ARL8B: variants seen among roughly 807,000 people sequenced by gnomAD.
ARL8B encodes the protein ADP-ribosylation factor-like protein 8B.
ARL8B carries 9 observed loss-of-function variants against 30.6 expected under a neutral mutation model. The ratio of observed to expected loss-of-function variants is 0.29; its 90% CI spans 0.18 to 0.51. The LOEUF (loss-of-function observed/expected upper bound fraction) is 0.51, where lower values mean the gene tolerates loss of function less well. Among genes scored for constraint, ARL8B ranks in the 20% least tolerant of loss-of-function variants. The pLI is 0.97. For missense variants in ARL8B, 130 were observed against 227.2 expected, an observed-to-expected ratio of 0.57 and a Z score of 2.75; for synonymous variants, 74 against 76.0, an observed-to-expected ratio of 0.97 and a Z score of 0.14.
chr3:5,169,626 G>C (rs1435019678), intron 1 of ARL8B, among the ~76,000 whole-genome samples: 1 of 150,712 alleles, frequency 6.6e-6, no homozygotes, highest in African/African-American at 2.4e-5. Flanking sequence ...TTGTGGGTTT[G>C]ATTTGCATTT....
chr3:5,177,017 G>T (rs1321730668), intron 6 of ARL8B, among the ~76,000 whole-genome samples: 2 of 152,084 alleles, frequency 1.3e-5, no homozygotes, highest in African/African-American at 4.8e-5. Flanking sequence ...GAGAAATCCT[G>T]TTCTACACTA....
chr3:5,172,548 C>T (rs2054685685), intron 3 of ARL8B, 99 bp from the exon 4 acceptor site: 2 of 836,146 alleles, frequency 2.4e-6, no homozygotes, highest in Non-Finnish European at 1.9e-6. Flanking sequence ...TTAATAATTT[C>T]AATAATGTAA....
intron 6 of ARL8B, among the ~76,000 whole-genome samples, chr3:5,175,324 AAAG>A (rs1426158812): frequency 6.6e-6 from 1 of 152,218 alleles, no homozygotes; most frequent in Non-Finnish European, 1.5e-5. Context: ...TGTGCTATTT[AAAG>A]AAGAAAATGC....
At chr3:5,157,268 TA>T (rs1271630634) in intron 1 of ARL8B, among the ~76,000 whole-genome samples, 1 of 152,212 alleles carries the variant, frequency 6.6e-6, no homozygotes, top group Non-Finnish European at 1.5e-5. Flanking sequence ...ATCAGATCCA[TA>T]TGTCACAGCT....
chr3:5,124,489 A>ACCCAGACTGAGTGCAGT (rs1176345175), intron 1 of ARL8B, among the ~76,000 whole-genome samples: 19 of 151,478 alleles, frequency 1.3e-4, no homozygotes, highest in Non-Finnish European at 2.7e-4. Flanking sequence ...TTTTGGAGAC[A>ACCCAGACTGAGTGCAGT]GGGTCTTGAG....
At chr3:5,136,264 C>T (rs1476037697) in intron 1 of ARL8B, among the ~76,000 whole-genome samples, 1 of 151,940 alleles carries the variant, frequency 6.6e-6, no homozygotes, top group Non-Finnish European at 1.5e-5. Flanking sequence ...TTCTTTTGGC[C>T]CTCTTGCTTT....
chr3:5,142,006 C>T (rs960031864), intron 1 of ARL8B, among the ~76,000 whole-genome samples: 1 of 152,118 alleles, frequency 6.6e-6, no homozygotes, highest in African/African-American at 2.4e-5. Flanking sequence ...CCTATTGAGT[C>T]AACATATATA....
chr3:5,172,616 A>G (rs1397972861), intron 3 of ARL8B, 31 bp from the exon 4 acceptor site: 2 of 1,398,652 alleles, frequency 1.4e-6, no homozygotes, highest in Non-Finnish European at 2.0e-6. Context: ...CATACAGAGA[A>G]GGTATGTTGA....
rs763102911 is a variant in ARL8B at position 5,122,600 on chromosome 3, C to G, written c.123+12C>G. On this transcript the variant is annotated intron_variant, in intron 1 of 6. Transcript: ENST00000256496. ...TCAATGTCATCGCGGTGAGCGCCCG[C>G]CCACTCACTCGCCCGGGGCTCCGCA... 1 of 1,593,364 alleles carries G rather than the reference C, an allele frequency of 6.3e-7. No individual in the cohort carries two copies. Among genetic ancestry groups the G allele is most frequent in the South Asian group, 1.1e-5 (1 of 89,084 alleles).
chr3:5,148,343 G>C (rs1045656438), intron 1 of ARL8B, among the ~76,000 whole-genome samples: 1 of 152,192 alleles, frequency 6.6e-6, no homozygotes, highest in African/African-American at 2.4e-5. Context: ...GATGCCTGCT[G>C]TGTGGAAGGG....
In ARL8B at chr3:5,152,176, A is replaced by G. The variant is rs79871719; in HGVS notation, c.124-18327A>G. Reference sequence around the variant, plus strand: ...GCTGGTTTTCTCCCTATCAATTAACATGAGAGGAATGTTGAAATCTCTAAT... The same window carrying G: ...GCTGGTTTTCTCCCTATCAATTAACGTGAGAGGAATGTTGAAATCTCTAAT... On this transcript the variant is annotated intron_variant, in intron 1 of 6. Transcript: ENST00000256496. 9.3e-3 allele frequency among the ~76,000 whole-genome samples: 1,412 copies of G among 152,332 alleles called. 8 individuals are homozygous for G. The highest frequency in any genetic ancestry group is 0.014 in the Non-Finnish European group (957 of 68,022).
intron 1 of ARL8B, among the ~76,000 whole-genome samples, chr3:5,140,551 C>A (rs1417186822): frequency 1.4e-5 from 2 of 143,506 alleles, no homozygotes; most frequent in African/African-American, 5.6e-5. Context: ...ACTCATACAC[C>A]TTCTTGGTTT....
intron 6 of ARL8B, among the ~76,000 whole-genome samples, chr3:5,174,880 G>T (rs2054714941): frequency 6.6e-6 from 1 of 151,314 alleles, no homozygotes; most frequent in African/African-American, 2.4e-5. Context: ...TCGACTTACT[G>T]CAACCTCTGC....
chr3:5,178,820 G>A lies in ARL8B; in HGVS notation c.*107G>A, dbSNP rs1159268172. The A allele has an allele frequency of 6.4e-7, 1 of 1,557,774 alleles. No individual in the cohort carries two copies. The highest frequency in any genetic ancestry group is 8.7e-7 in the Non-Finnish European group (1 of 1,155,992). Reference sequence around the variant, plus strand: ...CGGTCCTTCCTAAACCCCAGAAATTGCCTTTTTCAGAGTTTATTTCTCATG... The same window carrying A: ...CGGTCCTTCCTAAACCCCAGAAATTACCTTTTTCAGAGTTTATTTCTCATG... On this transcript the variant is annotated 3_prime_UTR_variant, in exon 7 of 7. Transcript: ENST00000256496.
chr3:5,171,472 C>T (rs1277948), intron 2 of ARL8B, among the ~76,000 whole-genome samples: 1 of 152,046 alleles, frequency 6.6e-6, no homozygotes, highest in Non-Finnish European at 1.5e-5. Context: ...CTGCCTCAGC[C>T]TCCCGAGTAT....
chr3:5,161,441 AC>A (rs2054579496), intron 1 of ARL8B, among the ~76,000 whole-genome samples: 1 of 152,200 alleles, frequency 6.6e-6, no homozygotes, highest in Admixed American at 6.5e-5. Context: ...AAAAAACAGC[AC>A]AGCAGTTAAG....
chr3:5,180,618 C>T lies in ARL8B; in HGVS notation c.*1905C>T, dbSNP rs2054770299. On this transcript the variant is annotated 3_prime_UTR_variant, in exon 7 of 7. Coordinates refer to ENST00000256496, the MANE Select transcript of ARL8B (RefSeq NM_018184.3). The stretch of plus-strand genomic sequence containing the variant: ...CCAACATTTTCCTGTGCATTAACCT[C>T]TGCATGTGAAAACTTTTAACAGTTA... 6.5e-6 allele frequency: 1 copy of T among 152,676 alleles called. No individual in the cohort carries two copies. 9.5% of individuals were successfully genotyped at this position (152,676 alleles called of 1,614,324 possible). A position where few individuals can be genotyped will look rare whatever the true frequency, so the allele number is the denominator to read the frequency against.
At chr3:5,160,451 T>C (rs544734655) in intron 1 of ARL8B, among the ~76,000 whole-genome samples, 1 of 152,342 alleles carries the variant, frequency 6.6e-6, no homozygotes, top group African/African-American at 2.4e-5. Context: ...AAAATGACTA[T>C]TTTTCAGGAG....
At chr3:5,141,744 T>TA (rs1466216875) in intron 1 of ARL8B, among the ~76,000 whole-genome samples, 2 of 152,216 alleles carry the variant, frequency 1.3e-5, no homozygotes, top group Admixed American at 1.3e-4. Flanking sequence ...GCATAACACT[T>TA]ACACCCCCTT....
Sources: gnomAD v4.1 joint callset for allele counts (sites outside exome capture counted in the v4.1 genomes callset) on GRCh38, gnomAD v4.1.1 for gene constraint, MANE v1.5 for transcripts, NCBI Gene and HGNC (gene_info 2026-07-23, HGNC 2026-07-21) for gene names.